ADH4: variants seen among roughly 807,000 people sequenced by gnomAD.
ADH4 encodes alcohol dehydrogenase 4 (class II), pi polypeptide.
Under a neutral mutation model 35.2 loss-of-function variants are expected in ADH4, and 31 were observed. The observed-to-expected ratio is 0.88, with a 90% confidence interval of 0.66 to 1.19. ADH4 has a LOEUF of 1.19. Ranked by LOEUF, ADH4 falls within the 50% of genes most tolerant of loss-of-function variation. The pLI, the probability that ADH4 is intolerant of heterozygous loss-of-function variation, is 0.00. For synonymous variants in ADH4, 171 were observed against 160.2 expected, an observed-to-expected ratio of 1.07 and a Z score of -0.51; for missense variants, 476 against 458.3, an observed-to-expected ratio of 1.04 and a Z score of -0.35.
At chr4:99,135,699 C>A (rs896016576) in intron 5 of ADH4, among the ~76,000 whole-genome samples, 4 of 152,114 alleles carry the variant, frequency 2.6e-5, no homozygotes, top group African/African-American at 9.7e-5. Context: ...GGAATTTGAG[C>A]TCACCCTGAG....
At chr4:99,127,698 G>A (rs1025693120) in intron 6 of ADH4, among the ~76,000 whole-genome samples, 1 of 151,808 alleles carries the variant, frequency 6.6e-6, no homozygotes, top group South Asian at 2.1e-4. Context: ...GTGTGGTTGT[G>A]CCTGCCTGTA....
At chr4:99,136,420 C>T (rs1246033746) in intron 5 of ADH4, 46 bp downstream of exon 5, 2 of 1,506,642 alleles carry the variant, frequency 1.3e-6, no homozygotes, top group Admixed American at 1.7e-5. Context: ...ATCACACTGC[C>T]TCCTAGTAAC....
At chr4:99,127,407 G>T in intron 6 of ADH4, 63 bp from the exon 7 acceptor site, 1 of 1,389,294 alleles carries the variant, frequency 7.2e-7, no homozygotes, top group Non-Finnish European at 9.9e-7. Context: ...CTCCAGTGTG[G>T]CAATGTACAA....
intron 6 of ADH4, among the ~76,000 whole-genome samples, chr4:99,127,962 G>T (rs1361171329): frequency 1.3e-5 from 2 of 151,310 alleles, no homozygotes; most frequent in East Asian, 3.9e-4. Context: ...TGGGACAAAG[G>T]TTGTGAGACT....
At position 99,125,489 on chromosome 4, in the gene ADH4, C is replaced by T. The variant is rs29001233; in HGVS notation, c.1119-1023G>A. Among the ~76,000 whole-genome samples the T allele has an allele frequency of 3.0e-3, 461 of 152,268 alleles. 7 individuals carry two copies. Among genetic ancestry groups the T allele is most frequent in the African/African-American group, 0.011 (442 of 41,540 alleles). On this transcript the variant is annotated intron_variant, in intron 8 of 8. Coordinates refer to ENST00000265512, the MANE Select transcript of ADH4 (RefSeq NM_000670.5). ...AATTCTAGGAGAAAAGGTTTGTGTTCGAGGATATGAATAGAAGGGTGTGAG... is the reference window on the plus strand; with the variant it reads ...AATTCTAGGAGAAAAGGTTTGTGTTTGAGGATATGAATAGAAGGGTGTGAG...
At chr4:99,142,810 G>A in intron 1 of ADH4, 30 bp from the exon 2 acceptor site, 1 of 1,524,974 alleles carries the variant, frequency 6.6e-7, no homozygotes, top group East Asian at 2.3e-5. Context: ...GGAAGAGGGA[G>A]ATAGAGATAG....
In ADH4 at chr4:99,144,199, G is replaced by T. The variant is rs746967500; in HGVS notation, c.18+6C>A. 2.5e-5 allele frequency: 41 copies of T among 1,613,562 alleles called. No individual in the cohort carries two copies. Among genetic ancestry groups the T allele is most frequent in the Non-Finnish European group, 3.5e-5 (41 of 1,179,638 alleles). On this transcript the variant is annotated splice_donor_region_variant and intron_variant, in intron 1 of 8. Transcript: ENST00000265512. The stretch of plus-strand genomic sequence containing the variant: ...AACTGAACAAAGATACAGCTTACTT[G>T]CTTACTTTGCCCTTGGTGCCCATTT...
chr4:99,124,386 T>G lies in ADH4; in HGVS notation c.*56A>C. On this transcript the variant is annotated 3_prime_UTR_variant, in exon 9 of 9. Transcript: ENST00000265512. ...TTGGTTCATCAAATCAGGTAATAAA[T>G]TAACCAGGCAGGTTCACATTCAATC... 7.9e-7 allele frequency: 1 copy of G among 1,258,212 alleles called. No individual in the cohort carries two copies. The highest frequency in any genetic ancestry group is 1.1e-6 in the Non-Finnish European group (1 of 880,472). The allele number at this position is 1,258,212 out of a possible 1,614,324, so 77.9% of individuals were successfully genotyped here.
chr4:99,143,279 C>G, intron 1 of ADH4: 1 of 699,834 alleles, frequency 1.4e-6, no homozygotes. Context: ...AGATGAAAGC[C>G]CTGCCTCAAA....
At chr4:99,129,687 GT>G (rs1362695121) in intron 6 of ADH4, among the ~76,000 whole-genome samples, 5 of 152,024 alleles carry the variant, frequency 3.3e-5, no homozygotes, top group Non-Finnish European at 7.4e-5. Context: ...GCTATTATAA[GT>G]TTTTTTCCTC....
At chr4:99,138,935 C>A in intron 4 of ADH4, 126 bp downstream of exon 4, 1 of 628,984 alleles carries the variant, frequency 1.6e-6, no homozygotes, top group Non-Finnish European at 2.8e-6. Flanking sequence ...GTATCTTGTA[C>A]ACACCTAGGA....
intron 6 of ADH4, among the ~76,000 whole-genome samples, chr4:99,128,957 AC>A (rs538253705): frequency 1.3e-5 from 2 of 152,058 alleles, no homozygotes; most frequent in Admixed American, 1.3e-4. Flanking sequence ...GTGCCACTAC[AC>A]CTGACTAATT....
intron 4 of ADH4, among the ~76,000 whole-genome samples, chr4:99,137,014 A>G (rs1371502934): frequency 6.6e-6 from 1 of 151,858 alleles, no homozygotes; most frequent in East Asian, 1.9e-4. Flanking sequence ...CAGTGGCACA[A>G]TCTCCGTTCA....
intron 8 of ADH4, among the ~76,000 whole-genome samples, 197 bp downstream of exon 8, chr4:99,126,397 A>G (rs975281974): frequency 1.3e-5 from 2 of 152,208 alleles, no homozygotes; most frequent in Non-Finnish European, 2.9e-5. Context: ...CTATATTGTA[A>G]CAGTGTACAG....
chr4:99,126,823 C>A, intron 7 of ADH4, 91 bp from the exon 8 acceptor site: 1 of 1,323,088 alleles, frequency 7.6e-7, no homozygotes, highest in South Asian at 1.8e-5. Flanking sequence ...ATTATTAGGT[C>A]AGATTTGGTT....
intron 6 of ADH4, among the ~76,000 whole-genome samples, chr4:99,129,870 C>T (rs1729220029): frequency 6.6e-6 from 1 of 152,100 alleles, no homozygotes; most frequent in African/African-American, 2.4e-5. Flanking sequence ...ATTATGTATT[C>T]CCCTGCTGTA....
chr4:99,143,223 T>C (rs1204420045), intron 1 of ADH4: 1 of 702,006 alleles, frequency 1.4e-6, no homozygotes, highest in Non-Finnish European at 2.6e-6. Flanking sequence ...ACTCGAAGTG[T>C]GGTCCTCGGA....
intron 3 of ADH4, among the ~76,000 whole-genome samples, chr4:99,140,966 T>C (rs1019726539): frequency 6.6e-6 from 1 of 152,126 alleles, no homozygotes; most frequent in East Asian, 1.9e-4. Context: ...GGAAGTTTGG[T>C]GTACAGATAA....
intron 5 of ADH4, among the ~76,000 whole-genome samples, chr4:99,132,923 C>G (rs981131837): frequency 3.9e-5 from 6 of 152,120 alleles, no homozygotes; most frequent in Admixed American, 3.9e-4. Context: ...ACACCTCTGG[C>G]TTTTGCTACT....
Sources: gnomAD v4.1 joint callset for allele counts (sites outside exome capture counted in the v4.1 genomes callset) on GRCh38, gnomAD v4.1.1 for gene constraint, MANE v1.5 for transcripts, NCBI Gene and HGNC (gene_info 2026-07-23, HGNC 2026-07-21) for gene names.